CADM2: variants seen among roughly 807,000 people sequenced by gnomAD.
The protein encoded by CADM2 is cell adhesion molecule 2.
In CADM2, 12 loss-of-function variants were observed where a neutral mutation model predicts 49.8. The observed-to-expected ratio is 0.24, with a 90% CI of 0.15 to 0.39. The LOEUF is 0.39. Ranked by LOEUF, CADM2 falls within the 10% of genes least tolerant of loss-of-function variation. CADM2 has a pLI of 1.00. For synonymous variants in CADM2, 214 were observed against 175.4 expected (o/e 1.22, Z -1.74); for missense variants, 378 against 492.3 (o/e 0.77, Z 2.20).
chr3:85,480,451 C>CT (rs1448809618), intron 1 of CADM2, among the ~76,000 whole-genome samples: 1 of 151,794 alleles, frequency 6.6e-6, no homozygotes, highest in African/African-American at 2.4e-5. Flanking sequence ...ACATAAGTGC[C>CT]TTGCCTCATA....
At chr3:85,378,852 C>T (rs2033738680) in intron 1 of CADM2, among the ~76,000 whole-genome samples, 1 of 151,730 alleles carries the variant, frequency 6.6e-6, no homozygotes, top group Non-Finnish European at 1.5e-5. Flanking sequence ...TGAAACGCTA[C>T]CTGTTCCCCA....
chr3:85,979,493 T>C (rs544165773), intron 8 of CADM2, among the ~76,000 whole-genome samples: 50 of 151,818 alleles, frequency 3.3e-4, no homozygotes, highest in African/African-American at 1.1e-3. Context: ...AAGACTATTA[T>C]CAAAATCTTG....
At chr3:85,718,139 CATATTCTGAAGTGTGT>C (rs1278205643) in intron 1 of CADM2, among the ~76,000 whole-genome samples, 22 of 152,042 alleles carry the variant, frequency 1.4e-4, no homozygotes, top group African/African-American at 5.3e-4. Context: ...TCATTGGTAA[CATATTCTGAAGTGTGT>C]ATATTATATG....
chr3:85,876,264 A>G (rs952977083), intron 3 of CADM2, among the ~76,000 whole-genome samples: 1 of 152,192 alleles, frequency 6.6e-6, no homozygotes, highest in African/African-American at 2.4e-5. Context: ...GTACTTGTCT[A>G]TAAAATATAA....
Position 85,532,644 on chromosome 3 carries a change from C to T in CADM2, c.62-193878C>T, listed in dbSNP as rs114933060. On this transcript the variant is annotated intron_variant, in intron 1 of 9. Transcript: ENST00000383699. ...GCTCTTCTAGCAATATTGCCACCCACAATTCCATTACCTGGTATGTACCCA... is the reference window on the plus strand; with the variant it reads ...GCTCTTCTAGCAATATTGCCACCCATAATTCCATTACCTGGTATGTACCCA... Among the ~76,000 whole-genome samples the T allele has an allele frequency of 3.8e-3, 574 of 152,230 alleles. 5 individuals carry two copies. The highest frequency in any genetic ancestry group is 0.012 in the African/African-American group (510 of 41,536).
intron 3 of CADM2, among the ~76,000 whole-genome samples, chr3:85,848,728 G>A (rs1021289785): frequency 1.3e-5 from 2 of 151,980 alleles, no homozygotes; most frequent in Admixed American, 6.6e-5. Context: ...CCCTGAACCC[G>A]AATTTAAGAA....
intron 1 of CADM2, among the ~76,000 whole-genome samples, chr3:85,631,217 C>T (rs1444719898): frequency 6.6e-6 from 1 of 152,014 alleles, no homozygotes. Flanking sequence ...GAAAACTCTA[C>T]CTGAACTATC....
At chr3:85,057,797 G>A in intron 1 of CADM2, among the ~76,000 whole-genome samples, 1 of 152,014 alleles carries the variant, frequency 6.6e-6, no homozygotes. Flanking sequence ...CTCCTTTATT[G>A]AATAGTTCAC....
Position 85,961,588 on chromosome 3 carries a change from G to C in CADM2, c.911G>C (p.Arg304Pro). Reference protein sequence around the residue: ...FLNKTDNGTYRCEATNTIGQS... With the variant: ...FLNKTDNGTYPCEATNTIGQS... ...AACAAAACGGATAATGGTACATATC[G>C]ATGTGAAGCCACAAACACCATTGGC... Residue 304 changes from arginine (R) to proline (P), a missense_variant, in exon 8 of 10, where the codon CGA (arginine) becomes CCA (proline). Arg to Pro is a moderately radical substitution (Grantham distance 103, BLOSUM62 -2). Transcript: ENST00000383699. 6.2e-7 allele frequency: 1 copy of C among 1,606,998 alleles called. No homozygotes were observed. Among genetic ancestry groups the C allele is most frequent in the Non-Finnish European group, 8.5e-7 (1 of 1,175,140 alleles).
At chr3:85,132,509 T>G (rs886605022) in intron 1 of CADM2, among the ~76,000 whole-genome samples, 2 of 152,148 alleles carry the variant, frequency 1.3e-5, no homozygotes, top group Non-Finnish European at 1.5e-5. Flanking sequence ...CTTCCCTGGG[T>G]ATATTCAGCT....
At chr3:85,487,846 G>A (rs2039495121) in intron 1 of CADM2, among the ~76,000 whole-genome samples, 1 of 151,892 alleles carries the variant, frequency 6.6e-6, no homozygotes, top group South Asian at 2.1e-4. Flanking sequence ...CAATCTATCT[G>A]ACAAATGGGA....
chr3:85,042,228 G>C (rs559002409), intron 1 of CADM2, among the ~76,000 whole-genome samples: 33 of 152,264 alleles, frequency 2.2e-4, no homozygotes, highest in African/African-American at 7.2e-4. Context: ...CATTAATTTT[G>C]TGCTTTCTTT....
intron 1 of CADM2, among the ~76,000 whole-genome samples, chr3:85,513,156 A>G (rs989764471): frequency 1.8e-4 from 27 of 152,102 alleles, no homozygotes; most frequent in African/African-American, 6.3e-4. Flanking sequence ...GGAGGCCATG[A>G]GAATTCAAGT....
At chr3:85,696,614 T>C (rs2066565371) in intron 1 of CADM2, among the ~76,000 whole-genome samples, 1 of 152,078 alleles carries the variant, frequency 6.6e-6, no homozygotes, top group South Asian at 2.1e-4. Context: ...TCCCCTTTGT[T>C]AGTAATGAAA....
intron 1 of CADM2, among the ~76,000 whole-genome samples, chr3:85,058,996 T>G (rs1182762211): frequency 6.6e-6 from 1 of 151,912 alleles, no homozygotes; most frequent in East Asian, 1.9e-4. Context: ...TATTCAAGAA[T>G]GCATCTGCCG....
intron 1 of CADM2, among the ~76,000 whole-genome samples, chr3:85,050,769 T>C (rs2035851906): frequency 6.6e-6 from 1 of 152,208 alleles, no homozygotes; most frequent in Non-Finnish European, 1.5e-5. Context: ...GTATTCAAAT[T>C]GTGGAAACTA....
intron 1 of CADM2, among the ~76,000 whole-genome samples, chr3:85,726,173 T>C (rs1023020873): frequency 2.0e-5 from 3 of 151,992 alleles, no homozygotes; most frequent in African/African-American, 7.2e-5. Flanking sequence ...TGTTAAATAG[T>C]ATTAAGTATA....
chr3:85,070,753 G>T (rs1428281904), intron 1 of CADM2, among the ~76,000 whole-genome samples: 1 of 152,038 alleles, frequency 6.6e-6, no homozygotes, highest in African/African-American at 2.4e-5. Context: ...AGCACTTTGG[G>T]AGGCCGAGGC....
chr3:85,402,023 A>T (rs1197202033), intron 1 of CADM2, among the ~76,000 whole-genome samples: 1 of 152,184 alleles, frequency 6.6e-6, no homozygotes, highest in Non-Finnish European at 1.5e-5. Flanking sequence ...AGTATTGTTC[A>T]AATGTAGATT....
Sources: gnomAD v4.1 joint callset for allele counts (sites outside exome capture counted in the v4.1 genomes callset) on GRCh38, gnomAD v4.1.1 for gene constraint, MANE v1.5 for transcripts, NCBI Gene and HGNC (gene_info 2026-07-23, HGNC 2026-07-21) for gene names.